Variants in CPPED1 observed in about 807,000 individuals in gnomAD.
The protein encoded by CPPED1 is serine/threonine-protein phosphatase CPPED1.
A neutral mutation model predicts 28.0 loss-of-function variants in CPPED1; 28 were observed. That is an observed-to-expected ratio of 1.00 (90% CI 0.74 to 1.37). The LOEUF (loss-of-function observed/expected upper bound fraction) is 1.37. Among genes scored for constraint, CPPED1 ranks in the 40% most tolerant of loss-of-function variants. The pLI, the probability that CPPED1 is intolerant of heterozygous loss-of-function variation, is 0.00. For synonymous variants in CPPED1, 198 were observed against 180.2 expected (o/e 1.10, Z -0.79); for missense variants, 504 against 416.5 (o/e 1.21, Z -1.83).
chr16:12,771,785 TG>T (rs2080471656), intron 2 of CPPED1, among the ~76,000 whole-genome samples: 1 of 152,182 alleles, frequency 6.6e-6, no homozygotes, highest in Non-Finnish European at 1.5e-5. Flanking sequence ...CTTTGTTCAA[TG>T]GCTTTATTTC....
intron 2 of CPPED1, 28 bp downstream of exon 2, chr16:12,781,157 A>G (rs2080528162): frequency 1.3e-6 from 2 of 1,588,898 alleles, no homozygotes; most frequent in Non-Finnish European, 1.7e-6. Context: ...GAAGGAGAAA[A>G]GGTCACAAGC....
At chr16:12,694,216 A>C (rs1362445616) in intron 3 of CPPED1, among the ~76,000 whole-genome samples, 3 of 152,174 alleles carry the variant, frequency 2.0e-5, no homozygotes, top group Non-Finnish European at 4.4e-5. Context: ...AAAAAACAAA[A>C]GAACAGAAAA....
At chr16:12,747,448 T>TAAAC (rs2080297359) in intron 2 of CPPED1, among the ~76,000 whole-genome samples, 1 of 149,808 alleles carries the variant, frequency 6.7e-6, no homozygotes, top group Non-Finnish European at 1.5e-5. Flanking sequence ...AATAAATAAA[T>TAAAC]AAATAAATAA....
intron 2 of CPPED1, among the ~76,000 whole-genome samples, chr16:12,737,194 AAAT>A (rs917554980): frequency 6.6e-6 from 1 of 151,934 alleles, no homozygotes; most frequent in Admixed American, 6.6e-5. Flanking sequence ...TGTCTCAAAA[AAAT>A]AATAATAATA....
rs144882907 is a variant in CPPED1, at chr16:12,782,319, T to C, written c.71-916A>G. On this transcript the variant is annotated intron_variant, in intron 1 of 3. Coordinates refer to ENST00000381774, the MANE Select transcript of CPPED1 (RefSeq NM_018340.3). ...CAAAATCGTACATGACAGACCAATG[T>C]TGAAAAAACATTCCAAGCAAAGAAG... Among the ~76,000 whole-genome samples, 529 of 152,262 alleles carry C rather than the reference T, an allele frequency of 3.5e-3. 1 individual carries two copies. Among genetic ancestry groups the C allele is most frequent in the Middle Eastern group, 0.01 (3 of 294 alleles).
At chr16:12,800,331 G>A (rs55984003) in intron 1 of CPPED1, among the ~76,000 whole-genome samples, 6,877 of 151,892 alleles carry the variant, frequency 0.045, 528 homozygotes, top group African/African-American at 0.16. Context: ...CCAGCTACTC[G>A]GGAGGCTGAA....
chr16:12,684,092 C>G (rs903658863), intron 3 of CPPED1, among the ~76,000 whole-genome samples: 1 of 152,332 alleles, frequency 6.6e-6, no homozygotes, highest in South Asian at 2.1e-4. Flanking sequence ...CAGCCACACA[C>G]AGCTGCATGG....
Position 12,672,995 on chromosome 16 carries a change from G to C in CPPED1, c.716-7880C>G, listed in dbSNP as rs767999990. Reference sequence around the variant, plus strand: ...TGCCACTGCACTCCAGCCTGGGTGAGAGCAAGACCCTGTCTCAAAAGAAAA... The same window carrying C: ...TGCCACTGCACTCCAGCCTGGGTGACAGCAAGACCCTGTCTCAAAAGAAAA... On this transcript the variant is annotated intron_variant, in intron 3 of 3. Coordinates refer to ENST00000381774, the MANE Select transcript of CPPED1 (RefSeq NM_018340.3). Among the ~76,000 whole-genome samples, 4 of 151,700 alleles carry C rather than the reference G, an allele frequency of 2.6e-5. No homozygotes were observed. The South Asian group carries it at 6.2e-4, about 24-fold the overall frequency.
At chr16:12,711,950 A>G (rs558148202) in intron 2 of CPPED1, among the ~76,000 whole-genome samples, 1 of 152,276 alleles carries the variant, frequency 6.6e-6, no homozygotes, top group Non-Finnish European at 1.5e-5. Context: ...GGAGGGAGGC[A>G]GGTCTCAGGT....
intron 3 of CPPED1, among the ~76,000 whole-genome samples, chr16:12,672,934 A>G (rs2079859838): frequency 2.0e-5 from 3 of 152,140 alleles, no homozygotes. Flanking sequence ...GAATCGCTTG[A>G]ACTCGGGAGG....
intron 2 of CPPED1, among the ~76,000 whole-genome samples, chr16:12,727,088 G>A (rs868497067): frequency 1.3e-5 from 2 of 152,090 alleles, no homozygotes; most frequent in African/African-American, 2.4e-5. Flanking sequence ...AATAACTCTC[G>A]CAGGCTTTAG....
intron 3 of CPPED1, among the ~76,000 whole-genome samples, chr16:12,675,531 T>A (rs143149719): frequency 2.6e-5 from 4 of 152,356 alleles, no homozygotes; most frequent in Non-Finnish European, 5.9e-5. Flanking sequence ...AGTCACTGTA[T>A]AATGTAATAT....
At chr16:12,724,640 C>T (rs2141200658) in intron 2 of CPPED1, among the ~76,000 whole-genome samples, 1 of 152,298 alleles carries the variant, frequency 6.6e-6, no homozygotes, top group Admixed American at 6.5e-5. Context: ...TTCTGGAAAA[C>T]CTTGCCCATT....
chr16:12,712,596 A>G (rs2080085943), intron 2 of CPPED1, among the ~76,000 whole-genome samples: 1 of 152,238 alleles, frequency 6.6e-6, no homozygotes, highest in African/African-American at 2.4e-5. Context: ...AACAGGCATC[A>G]CAAAGAATGA....
chr16:12,800,874 C>G (rs912944476), intron 1 of CPPED1, among the ~76,000 whole-genome samples: 1 of 152,094 alleles, frequency 6.6e-6, no homozygotes, highest in African/African-American at 2.4e-5. Flanking sequence ...CCTCTTTTAG[C>G]AATCAGACGA....
chr16:12,793,054 C>T (rs1004146628), intron 1 of CPPED1, among the ~76,000 whole-genome samples: 2 of 152,170 alleles, frequency 1.3e-5, no homozygotes, highest in African/African-American at 2.4e-5. Flanking sequence ...GCTTGGCCTC[C>T]TTCACTCATT....
At chr16:12,666,914 G>A (rs893233559) in intron 3 of CPPED1, among the ~76,000 whole-genome samples, 4 of 152,058 alleles carry the variant, frequency 2.6e-5, no homozygotes, top group African/African-American at 9.7e-5. Flanking sequence ...GCTGTCACCA[G>A]TACACCACTA....
intron 1 of CPPED1, among the ~76,000 whole-genome samples, chr16:12,793,709 A>T (rs1328593413): frequency 2.0e-5 from 3 of 152,192 alleles, no homozygotes; most frequent in Non-Finnish European, 4.4e-5. Context: ...CCCTTATCTT[A>T]GCAGAGACAG....
intron 2 of CPPED1, among the ~76,000 whole-genome samples, chr16:12,718,806 T>C (rs548771389): frequency 3.6e-4 from 55 of 151,632 alleles, no homozygotes; most frequent in Non-Finnish European, 3.8e-4. Context: ...CTACTAAAAA[T>C]ACAAAAAATA....
Sources: allele counts gnomAD v4.1 joint callset (sites outside exome capture counted in the v4.1 genomes callset), GRCh38; gene constraint gnomAD v4.1.1; transcripts MANE v1.5; gene names NCBI Gene and HGNC (gene_info 2026-07-23, HGNC 2026-07-21).